UGT2A2: variants seen among roughly 807,000 people sequenced by gnomAD.
UGT2A2 encodes the protein UDP glucuronosyltransferase family 2 member A2.
Under a neutral mutation model 50.7 loss-of-function variants are expected in UGT2A2, and 60 were observed. The ratio of observed to expected loss-of-function variants is 1.18; its 90% CI spans 0.96 to 1.47. The LOEUF (loss-of-function observed/expected upper bound fraction) is 1.47, where lower values mean the gene tolerates loss of function less well. UGT2A2 is among the 40% of genes most tolerant of loss of function. The probability of loss-of-function intolerance (pLI) is 0.00; values close to 1 mark genes in which losing one functional copy is unlikely to be tolerated. For missense variants in UGT2A2, 762 were observed against 634.0 expected (o/e 1.20, Z -2.17); for synonymous variants, 242 against 214.6 (o/e 1.13, Z -1.11).
chr4:69,610,418 G>A (rs324313), intron 1 of UGT2A2, among the ~76,000 whole-genome samples: 1 of 151,900 alleles, frequency 6.6e-6, no homozygotes, highest in Non-Finnish European at 1.5e-5. Flanking sequence ...GGGCATTTTA[G>A]GTAATTTAAG....
Position 69,606,523 on chromosome 4 carries a change from T to C in UGT2A2, c.743-7129A>G, listed in dbSNP as rs1355670180. ...TTTGAAAACTGGCACAAGACAGGGA[T>C]GCCCTCTCTCACCACTCCTATTCAA... On this transcript the variant is annotated intron_variant, in intron 1 of 5. Transcript: ENST00000604629. 1.5e-5 allele frequency among the ~76,000 whole-genome samples: 2 copies of C among 136,390 alleles called. 1 individual carries two copies. Among genetic ancestry groups the C allele is most frequent in the Non-Finnish European group, 3.1e-5 (2 of 64,234 alleles). The allele number at this position is 136,390 out of a possible 152,430, so 89.5% of individuals were successfully genotyped here. A position where few individuals can be genotyped will look rare whatever the true frequency, so the allele number is the denominator to read the frequency against.
rs1427203047 is a variant in UGT2A2, at chr4:69,607,047, T to G, written c.743-7653A>C. ...CCCATCAAACTACCAATGACTTTCTTCACAGAATTGGAAAAAACTACTTTA... is the reference window on the plus strand; with the variant it reads ...CCCATCAAACTACCAATGACTTTCTGCACAGAATTGGAAAAAACTACTTTA... On this transcript the variant is annotated intron_variant, in intron 1 of 5. Transcript: ENST00000604629. 3.3e-4 allele frequency among the ~76,000 whole-genome samples: 40 copies of G among 121,368 alleles called. 4 individuals carry two copies. Among genetic ancestry groups the G allele is most frequent in the African/African-American group, 1.3e-3 (38 of 28,856 alleles). The allele number at this position is 121,368 out of a possible 152,430, so 79.6% of individuals were successfully genotyped here.
At chr4:69,614,111 A>AAC (rs201086191) in intron 1 of UGT2A2, among the ~76,000 whole-genome samples, 38,021 of 151,772 alleles carry the variant, frequency 0.25, 5,135 homozygotes, top group African/African-American at 0.35. Context: ...TTTTAAGCTG[A>AAC]TAAACCCATT....
intron 1 of UGT2A2, among the ~76,000 whole-genome samples, chr4:69,630,169 A>G (rs1235168773): frequency 6.6e-6 from 1 of 152,092 alleles, no homozygotes; most frequent in Admixed American, 6.6e-5. Context: ...CCATTCTTGT[A>G]GACATTTGTC....
chr4:69,634,266 AAAAC>A (rs1426289435), intron 1 of UGT2A2, among the ~76,000 whole-genome samples: 3 of 149,378 alleles, frequency 2.0e-5, no homozygotes, highest in Non-Finnish European at 3.0e-5. Context: ...AAAACAAAAC[AAAAC>A]AAAACAACAA....
intron 1 of UGT2A2, among the ~76,000 whole-genome samples, chr4:69,619,742 C>A (rs1314839046): frequency 6.6e-6 from 1 of 151,998 alleles, no homozygotes; most frequent in African/African-American, 2.4e-5. Context: ...AATATTGATG[C>A]AAAAATCCTC....
chr4:69,596,272 G>T lies in UGT2A2; in HGVS notation c.1001C>A (p.Ala334Asp). Residue 334 changes from alanine to aspartate, a missense_variant, in exon 3 of 6, where the codon GCC becomes GAC. By Grantham distance (126) the Ala-to-Asp change is moderately radical. Transcript: ENST00000604629. Reference protein sequence around the residue: ...TEEKANLIASALAQIPQKVLW... With the variant: ...TEEKANLIASDLAQIPQKVLW... ...GACCTTCTGTGGAATCTGGGCAAGG[G>T]CTGAGGCAATAAGATTGGCCTTTTC... 1 of 1,604,642 alleles carries T rather than the reference G, an allele frequency of 6.2e-7. No individual in the cohort carries two copies.
intron 1 of UGT2A2, among the ~76,000 whole-genome samples, chr4:69,629,848 T>C (rs570812893): frequency 3.3e-4 from 50 of 152,096 alleles, no homozygotes; most frequent in Non-Finnish European, 6.2e-4. Flanking sequence ...TGAGTCTTTC[T>C]AGTGAATCAT....
chr4:69,595,619 G>A (rs1047568828), intron 3 of UGT2A2, among the ~76,000 whole-genome samples: 1 of 152,156 alleles, frequency 6.6e-6, no homozygotes, highest in Non-Finnish European at 1.5e-5. Flanking sequence ...GTCCTAGGAT[G>A]TGTCATGAAT....
In UGT2A2 at chr4:69,606,554, T is replaced by A. The variant is rs1490150705; in HGVS notation, c.743-7160A>T. ...CTCTCACCACTCCTATTCAACATAG[T>A]GTTGGAAGTTCTGGCCAGTGCAATC... On this transcript the variant is annotated intron_variant, in intron 1 of 5. Transcript: ENST00000604629. 1.7e-4 allele frequency among the ~76,000 whole-genome samples: 23 copies of A among 136,202 alleles called. 7 individuals carry two copies. Among genetic ancestry groups the A allele is most frequent in the African/African-American group, 6.0e-4 (20 of 33,458 alleles). The allele number at this position is 136,202 out of a possible 152,430, so 89.4% of individuals were successfully genotyped here.
chr4:69,623,784 A>G (rs956881667), intron 1 of UGT2A2, among the ~76,000 whole-genome samples: 7 of 151,522 alleles, frequency 4.6e-5, no homozygotes, highest in Admixed American at 1.3e-4. Context: ...CTTTGAGATA[A>G]AGGTAGAAAA....
intron 1 of UGT2A2, 70 bp downstream of exon 1, chr4:69,638,829 C>T (rs977291982): frequency 8.3e-6 from 12 of 1,449,344 alleles, no homozygotes; most frequent in East Asian, 2.5e-5. Flanking sequence ...GAATGGAAAT[C>T]GTTTGCCATA....
intron 1 of UGT2A2, among the ~76,000 whole-genome samples, chr4:69,613,265 G>A (rs1346226599): frequency 2.0e-5 from 3 of 151,862 alleles, no homozygotes; most frequent in Admixed American, 6.6e-5. Flanking sequence ...GACATATATA[G>A]CCCATAAGAC....
In UGT2A2 at chr4:69,615,978, T is replaced by C. The variant is rs536731431; in HGVS notation, c.743-16584A>G. Among the ~76,000 whole-genome samples the C allele has an allele frequency of 2.6e-5, 4 of 152,138 alleles. No individual in the cohort carries two copies. The South Asian group carries it at 8.3e-4, about 32-fold the overall frequency. ...ACACCCATGTTTATTGCAGTACTGTTCCCAATAGCCAAGATATGGAATCAA... is the reference window on the plus strand; with the variant it reads ...ACACCCATGTTTATTGCAGTACTGTCCCCAATAGCCAAGATATGGAATCAA... On this transcript the variant is annotated intron_variant, in intron 1 of 5. Transcript: ENST00000604629.
At chr4:69,613,190 C>T (rs1311471968) in intron 1 of UGT2A2, among the ~76,000 whole-genome samples, 2 of 151,660 alleles carry the variant, frequency 1.3e-5, no homozygotes, top group East Asian at 1.9e-4. Flanking sequence ...ATAAAACAGA[C>T]ATATAGACAT....
intron 1 of UGT2A2, among the ~76,000 whole-genome samples, chr4:69,610,523 T>C (rs1246949873): frequency 6.6e-6 from 1 of 152,184 alleles, no homozygotes; most frequent in Admixed American, 6.6e-5. Flanking sequence ...ACACAAACTT[T>C]AAATAATCTG....
At chr4:69,595,033 T>A in intron 4 of UGT2A2, 129 bp downstream of exon 4, 1 of 1,305,832 alleles carries the variant, frequency 7.7e-7, no homozygotes, top group South Asian at 1.3e-5. Flanking sequence ...TGTAATTATA[T>A]CTGCTTTAAA....
intron 1 of UGT2A2, among the ~76,000 whole-genome samples, chr4:69,604,588 A>C (rs1198141722): frequency 7.3e-6 from 1 of 136,666 alleles, no homozygotes; most frequent in East Asian, 2.1e-4. Context: ...CTTAAACATA[A>C]ATGGGCTAAA....
At chr4:69,636,118 T>G (rs1721695400) in intron 1 of UGT2A2, among the ~76,000 whole-genome samples, 2 of 152,206 alleles carry the variant, frequency 1.3e-5, no homozygotes, top group African/African-American at 4.8e-5. Flanking sequence ...TTGTACTTAT[T>G]CTGATGTCCT....
Sources: gnomAD v4.1 joint callset for allele counts (sites outside exome capture counted in the v4.1 genomes callset) on GRCh38, gnomAD v4.1.1 for gene constraint, MANE v1.5 for transcripts, NCBI Gene and HGNC (gene_info 2026-07-23, HGNC 2026-07-21) for gene names.